Variants in ZFPM1 observed in about 807,000 individuals in gnomAD.
The protein encoded by ZFPM1 is zinc finger protein ZFPM1.
In ZFPM1, 28 loss-of-function variants were observed where a neutral mutation model predicts 46.3. The ratio of observed to expected loss-of-function variants is 0.60; its 90% CI spans 0.45 to 0.83. ZFPM1 has a LOEUF of 0.83. ZFPM1 is among the 40% of genes least tolerant of loss of function. The pLI is 0.00. For missense variants in ZFPM1, 1,878 were observed against 1,432.4 expected (o/e 1.31, Z -5.02); for synonymous variants, 957 against 675.9 (o/e 1.42, Z -6.45).
chr16:88,534,424 C>T lies in ZFPM1; in HGVS notation c.2466C>T (p.Cys822=). The T allele has an allele frequency of 1.3e-6, 2 of 1,493,106 alleles. No individual in the cohort carries two copies. Among genetic ancestry groups the T allele is most frequent in the Non-Finnish European group, 1.8e-6 (2 of 1,128,606 alleles). The allele number at this position is 1,493,106 out of a possible 1,614,324, so 92.5% of individuals were successfully genotyped here. ...ALADYHECTA[C]RVSFHSLEAY... ...CCGACTACCACGAGTGCACGGCCTG[C>T]CGCGTGAGCTTCCACAGCCTCGAGG... Residue 822 remains cysteine, a synonymous_variant, in exon 10 of 10, where the codon TGC becomes TGT. Transcript: ENST00000319555.
intron 3 of ZFPM1, among the ~76,000 whole-genome samples, chr16:88,492,653 G>A (rs117825585): frequency 0.015 from 2,310 of 152,286 alleles, 25 homozygotes; most frequent in Non-Finnish European, 0.025. Flanking sequence ...CAGGGAAAGC[G>A]ACTGGGACTT....
At position 88,533,306 on chromosome 16, in the gene ZFPM1, G is replaced by T; in HGVS notation, c.1348G>T (p.Gly450Ter). 6.5e-7 allele frequency: 1 copy of T among 1,528,952 alleles called. No homozygotes were observed. 94.7% of individuals were successfully genotyped at this position (1,528,952 alleles called of 1,614,324 possible). Residue 450 changes from glycine to a stop codon, truncating the protein, a stop_gained, in exon 10 of 10, where the codon GGA becomes TGA. Coordinates refer to ENST00000319555, the MANE Select transcript of ZFPM1 (RefSeq NM_153813.3). LOFTEE classifies it low-confidence loss of function (END_TRUNC). ...EARAEPLAQN[G>*]GSSEPPAAPR... The stretch of plus-strand genomic sequence containing the variant: ...CAGAGCGGAGCCTCTGGCCCAGAAT[G>T]GAGGCAGCAGCGAGCCCCCGGCGGC...
rs369475295 is a variant in ZFPM1, at chr16:88,526,928, G to A, written c.505+12G>A. 79 of 1,558,686 alleles carry A rather than the reference G, an allele frequency of 5.1e-5. No individual in the cohort carries two copies. Among genetic ancestry groups the A allele is most frequent in the African/African-American group, 2.0e-4 (15 of 73,648 alleles). ...GATCCACAGGAAGGGTCAGTATGAC[G>A]CGGCACCTCCGTCCCAAGCCTTCCG... On this transcript the variant is annotated intron_variant, in intron 5 of 9. Transcript: ENST00000319555.
At chr16:88,460,875 G>A (rs1426353119) in intron 1 of ZFPM1, among the ~76,000 whole-genome samples, 1 of 152,130 alleles carries the variant, frequency 6.6e-6, no homozygotes, top group Non-Finnish European at 1.5e-5. Context: ...GGGGCCACTG[G>A]GCAGGCTAAG....
At chr16:88,477,660 A>G (rs1908747755) in intron 1 of ZFPM1, among the ~76,000 whole-genome samples, 3 of 152,230 alleles carry the variant, frequency 2.0e-5, no homozygotes, top group Non-Finnish European at 2.9e-5. Flanking sequence ...GCACAGGCAC[A>G]CTCCAGCCAG....
intron 3 of ZFPM1, among the ~76,000 whole-genome samples, chr16:88,499,074 T>C (rs949652979): frequency 1.3e-5 from 2 of 152,078 alleles, no homozygotes; most frequent in African/African-American, 4.8e-5. Flanking sequence ...CCGGCTCCCC[T>C]TCCTTCATCC....
chr16:88,526,329 G>T lies in ZFPM1; in HGVS notation c.403-485G>T, dbSNP rs1459312691. On this transcript the variant is annotated intron_variant, in intron 4 of 9. Transcript: ENST00000319555. Reference sequence around the variant, plus strand: ...GGGCTAATCTCGGCCCCAGCCCACAGAGGTCATTCTGGAGGCATCTAGGGC... The same window carrying T: ...GGGCTAATCTCGGCCCCAGCCCACATAGGTCATTCTGGAGGCATCTAGGGC... Among the ~76,000 whole-genome samples, 3 of 152,218 alleles carry T rather than the reference G, an allele frequency of 2.0e-5. No individual in the cohort carries two copies. The East Asian group carries it at 5.8e-4, about 29-fold the overall frequency.
chr16:88,518,737 G>GTGGGTGGA (rs1444140273), intron 4 of ZFPM1, among the ~76,000 whole-genome samples: 1 of 126,122 alleles, frequency 7.9e-6, no homozygotes, highest in African/African-American at 3.3e-5. Context: ...GGCTGAGAGG[G>GTGGGTGGA]TGGATGGATG....
chr16:88,468,211 C>CCCACCGCCCCTCAAGCACCCGT lies in ZFPM1; in HGVS notation c.40+14533_40+14534insCCACCGCCCCTCAAGCACCCGT, dbSNP rs1908243719. Reference sequence around the variant, plus strand: ...GAGCCCACCGCCCCTCAAGCACCCGCGAGCCCACCGCCCCTCAAGCACCCG... The same window carrying CCCACCGCCCCTCAAGCACCCGT: ...GAGCCCACCGCCCCTCAAGCACCCGCCCACCGCCCCTCAAGCACCCGTGAGCCCACCGCCCCTCAAGCACCCG... On this transcript the variant is annotated intron_variant, in intron 1 of 9. Coordinates refer to ENST00000319555, the MANE Select transcript of ZFPM1 (RefSeq NM_153813.3). 5.6e-5 allele frequency among the ~76,000 whole-genome samples: 8 copies of CCCACCGCCCCTCAAGCACCCGT among 141,662 alleles called. 1 individual carries two copies. The highest frequency in any genetic ancestry group is 1.1e-4 in the Non-Finnish European group (7 of 65,120). The allele number at this position is 141,662 out of a possible 152,430, so 92.9% of individuals were successfully genotyped here.
At chr16:88,489,183 A>T in intron 3 of ZFPM1, 30 bp downstream of exon 3, 1 of 1,566,234 alleles carries the variant, frequency 6.4e-7, no homozygotes, top group Non-Finnish European at 8.6e-7. Context: ...GGGCAGCAGC[A>T]TCGCCTCCCG....
At chr16:88,530,635 A>C (rs1043393786) in intron 6 of ZFPM1, 5 of 152,242 alleles carry the variant, frequency 3.3e-5, no homozygotes, top group African/African-American at 7.2e-5. Context: ...AGGCCACCAG[A>C]TTTGGCCTGT....
chr16:88,491,764 G>A (rs11863449), intron 3 of ZFPM1, among the ~76,000 whole-genome samples: 2,508 of 152,342 alleles, frequency 0.016, 45 homozygotes, highest in South Asian at 0.069. Context: ...CCGCAGATAT[G>A]AATTTCTGTG....
intron 3 of ZFPM1, among the ~76,000 whole-genome samples, chr16:88,491,830 G>T (rs947592050): frequency 2.0e-5 from 3 of 152,194 alleles, no homozygotes; most frequent in African/African-American, 7.2e-5. Flanking sequence ...CAGTGGCTAC[G>T]GCCTATCAGA....
At chr16:88,502,093 T>TA (rs1910392500) in intron 3 of ZFPM1, among the ~76,000 whole-genome samples, 1 of 145,890 alleles carries the variant, frequency 6.9e-6, no homozygotes, top group Non-Finnish European at 1.5e-5. Flanking sequence ...TTTATTTATT[T>TA]ATTTATTTAT....
chr16:88,521,677 G>A (rs188219090), intron 4 of ZFPM1, among the ~76,000 whole-genome samples: 15 of 60,008 alleles, frequency 2.5e-4, no homozygotes, highest in Admixed American at 1.8e-3. Context: ...CCCCCAACCC[G>A]TGCTGTTCCC....
chr16:88,471,470 G>A lies in ZFPM1; in HGVS notation c.41-14469G>A, dbSNP rs1177613349. On this transcript the variant is annotated intron_variant, in intron 1 of 9. Transcript: ENST00000319555. This position sits in a 1 kb window ranked among gnomAD's most constrained non-coding sequence, Gnocchi z 4.1. ...GCTGCGGTGGCTCCTGCTCACAGTG[G>A]GGGATGCCAGGACCCCGAGACGACC... Among the ~76,000 whole-genome samples, 1 of 150,358 alleles carries A rather than the reference G, an allele frequency of 6.7e-6. No individual in the cohort carries two copies. The highest frequency in any genetic ancestry group is 1.5e-5 in the Non-Finnish European group (1 of 67,876).
intron 3 of ZFPM1, among the ~76,000 whole-genome samples, chr16:88,498,207 C>G (rs751300570): frequency 6.6e-6 from 1 of 151,918 alleles, no homozygotes; most frequent in Non-Finnish European, 1.5e-5. Context: ...CCAGAGGGAG[C>G]CTCAGACCCC....
chr16:88,533,448 C>T lies in ZFPM1; in HGVS notation c.1490C>T (p.Pro497Leu). Residue 497 changes from proline to leucine, a missense_variant, in exon 10 of 10, where the codon CCG becomes CTG. Coordinates refer to ENST00000319555, the MANE Select transcript of ZFPM1 (RefSeq NM_153813.3). ...SRTPSPRSPA[P>L]ARVKAELSSP... ...ACGCCGTCGCCGCGCAGCCCCGCCC[C>T]GGCCAGGGTCAAGGCCGAGCTGTCC... The T allele has an allele frequency of 2.1e-6, 3 of 1,442,594 alleles. No homozygotes were observed. The highest frequency in any genetic ancestry group is 1.8e-6 in the Non-Finnish European group (2 of 1,106,936). The allele number at this position is 1,442,594 out of a possible 1,614,324, so 89.4% of individuals were successfully genotyped here. A position where few individuals can be genotyped will look rare whatever the true frequency, so the allele number is the denominator to read the frequency against.
At position 88,485,867 on chromosome 16, in the gene ZFPM1, C is replaced by G. The variant is rs929669913; in HGVS notation, c.41-72C>G. The G allele has an allele frequency of 1.1e-5, 16 of 1,463,108 alleles. No homozygotes were observed. In the African/African-American group the frequency reaches 2.3e-4, roughly 21 times the overall value. The allele number at this position is 1,463,108 out of a possible 1,614,324, so 90.6% of individuals were successfully genotyped here. On this transcript the variant is annotated intron_variant, in intron 1 of 9. Coordinates refer to ENST00000319555, the MANE Select transcript of ZFPM1 (RefSeq NM_153813.3). Reference sequence around the variant, plus strand: ...CCTGGGCACCGGGGCTGTACCTATGCCAGGAGGGGTCAGGAGGCAGGAGCT... The same window carrying G: ...CCTGGGCACCGGGGCTGTACCTATGGCAGGAGGGGTCAGGAGGCAGGAGCT...
Sources: gnomAD v4.1 joint callset for allele counts (sites outside exome capture counted in the v4.1 genomes callset) on GRCh38, gnomAD v4.1.1 for gene constraint, Gnocchi (gnomAD v3.1) non-coding constraint, MANE v1.5 for transcripts, NCBI Gene and HGNC (gene_info 2026-07-23, HGNC 2026-07-21) for gene names.